EPB41L1: variants seen among roughly 807,000 people sequenced by gnomAD.
The protein encoded by EPB41L1 is erythrocyte membrane protein band 4.1 like 1.
EPB41L1 carries 29 observed loss-of-function variants against 97.8 expected under a neutral mutation model. That is an observed-to-expected ratio of 0.30 (90% CI 0.22 to 0.40). EPB41L1 has a LOEUF of 0.40. Among genes scored for constraint, EPB41L1 ranks in the 10% least tolerant of loss-of-function variants. The probability of loss-of-function intolerance (pLI) is 1.00; values close to 1 mark genes in which losing one functional copy is unlikely to be tolerated. For synonymous variants in EPB41L1, 383 were observed against 459.2 expected, an observed-to-expected ratio of 0.83 and a Z score of 2.12; for missense variants, 812 against 1,162.3, an observed-to-expected ratio of 0.70 and a Z score of 4.38.
At chr20:36,203,905 C>T (rs1401845707) in intron 14 of EPB41L1, among the ~76,000 whole-genome samples, 1 of 151,798 alleles carries the variant, frequency 6.6e-6, no homozygotes, top group Non-Finnish European at 1.5e-5. Flanking sequence ...TGTTTCAGAT[C>T]TTATGGGATC....
chr20:36,105,184 C>G (rs2058150151), intron 1 of EPB41L1, among the ~76,000 whole-genome samples: 1 of 152,182 alleles, frequency 6.6e-6, no homozygotes, highest in South Asian at 2.1e-4. Flanking sequence ...GAGAACAGAA[C>G]AGGCACCCTA....
chr20:36,228,680 C>T (rs1412787180), intron 21 of EPB41L1, among the ~76,000 whole-genome samples: 1 of 152,222 alleles, frequency 6.6e-6, no homozygotes, highest in Non-Finnish European at 1.5e-5. Flanking sequence ...ATTTCAGAGC[C>T]TGCTCCTTTA....
Position 36,206,568 on chromosome 20 carries a change from G to T in EPB41L1, c.1669-2920G>T, listed in dbSNP as rs2062826680. 1 of 1,289,758 alleles carries T rather than the reference G, an allele frequency of 7.8e-7. No homozygotes were observed. Among genetic ancestry groups the T allele is most frequent in the Non-Finnish European group, 1.0e-6 (1 of 988,888 alleles). 79.9% of individuals were successfully genotyped at this position (1,289,758 alleles called of 1,614,324 possible). ...GCCTGGATGCCCCTCCCGGAGGTGA[G>T]CCCAGGCCGACGCTGAATTCCTTAG... On this transcript the variant is annotated intron_variant, in intron 14 of 21. Transcript: ENST00000338074. This position sits in a 1 kb window ranked among gnomAD's most constrained non-coding sequence, Gnocchi z 5.5.
intron 14 of EPB41L1, among the ~76,000 whole-genome samples, chr20:36,205,269 C>T (rs1046796054): frequency 2.6e-5 from 4 of 152,180 alleles, no homozygotes; most frequent in South Asian, 2.1e-4. Context: ...ACCCATATTC[C>T]ATGGTTGTGA....
intron 2 of EPB41L1, among the ~76,000 whole-genome samples, chr20:36,141,021 G>A (rs1163714330): frequency 6.6e-6 from 1 of 152,218 alleles, no homozygotes; most frequent in Non-Finnish European, 1.5e-5. Flanking sequence ...GGGTTTTGTG[G>A]GATTCTGGGC....
intron 1 of EPB41L1, chr20:36,155,532 C>G (rs1600642455): frequency 2.2e-6 from 1 of 451,978 alleles, no homozygotes; most frequent in Non-Finnish European, 4.4e-6. Context: ...TCCAAGGGCC[C>G]GAGAGGCTGG....
At chr20:36,134,882 C>A (rs1350090060) in intron 2 of EPB41L1, among the ~76,000 whole-genome samples, 3 of 135,806 alleles carry the variant, frequency 2.2e-5, no homozygotes, top group African/African-American at 5.7e-5. Flanking sequence ...TTTTTTGAAC[C>A]AGGGTCCCAC....
chr20:36,110,300 C>G (rs1370181045), intron 1 of EPB41L1, among the ~76,000 whole-genome samples: 1 of 152,154 alleles, frequency 6.6e-6, no homozygotes, highest in African/African-American at 2.4e-5. Context: ...ATGAGAGAGA[C>G]AGAGCAAGAG....
chr20:36,194,821 C>T (rs1036214182), intron 12 of EPB41L1, among the ~76,000 whole-genome samples: 1 of 152,134 alleles, frequency 6.6e-6, no homozygotes, highest in Non-Finnish European at 1.5e-5. Flanking sequence ...TGTGTGTACA[C>T]GCTCATGCAG....
chr20:36,149,710 G>C (rs2059971346), intron 2 of EPB41L1: 1 of 152,356 alleles, frequency 6.6e-6, no homozygotes, highest in Admixed American at 6.5e-5. Context: ...CCCTCCCTCT[G>C]GCCCAGCTCC....
intron 1 of EPB41L1, among the ~76,000 whole-genome samples, chr20:36,108,449 C>T (rs1473231785): frequency 6.6e-6 from 1 of 151,528 alleles, no homozygotes; most frequent in African/African-American, 2.4e-5. Flanking sequence ...CTGAGGCAGG[C>T]GGATCGCTTG....
At chr20:36,229,008 G>A (rs2064351212) in intron 21 of EPB41L1, among the ~76,000 whole-genome samples, 1 of 151,958 alleles carries the variant, frequency 6.6e-6, no homozygotes, top group South Asian at 2.1e-4. Context: ...AACAGATGTG[G>A]GTTCGGTTCT....
chr20:36,194,952 C>T (rs1489802807), intron 12 of EPB41L1, among the ~76,000 whole-genome samples: 1 of 152,200 alleles, frequency 6.6e-6, no homozygotes, highest in Non-Finnish European at 1.5e-5. Flanking sequence ...ACACACAGGC[C>T]AGGGAGAGCT....
chr20:36,122,082 G>A (rs2058769183), intron 2 of EPB41L1, among the ~76,000 whole-genome samples: 1 of 152,198 alleles, frequency 6.6e-6, no homozygotes, highest in Non-Finnish European at 1.5e-5. Context: ...ACGGAGTAGG[G>A]GAGGGCAAAG....
At position 36,209,533 on chromosome 20, in the gene EPB41L1, C is replaced by T. The variant is rs113352451; in HGVS notation, c.1714C>T (p.Arg572Cys). 1.3e-4 allele frequency: 203 copies of T among 1,614,064 alleles called. No homozygotes were observed. The East Asian group carries it at 3.9e-3, about 31-fold the overall frequency. ...EGSEEKVKPP[R>C]PRAPESDTGD... ...CTCCGAGGAGAAAGTCAAACCACCA[C>T]GTCCCCGGGCCCCAGAGAGTGACAC... is the stretch of plus-strand genomic sequence containing the variant. The change falls in exon 15 of 22, where the codon CGT (arginine) becomes TGT (cysteine). Residue 572 changes from arginine (R) to cysteine (C), a missense_variant. Physicochemically the swap from Arg to Cys is radical, Grantham distance 180. Around this residue, in one of 3 missense-constraint regions of EPB41L1, gnomAD observed 498 missense variants for 622.7 expected, o/e 0.80. Coordinates refer to ENST00000338074, the MANE Select transcript of EPB41L1 (RefSeq NM_012156.2). The surrounding 1 kb of genome is among the most constrained non-coding windows in gnomAD (Gnocchi z 4.2).
At chr20:36,168,999 G>A (rs940911689) in intron 1 of EPB41L1, among the ~76,000 whole-genome samples, 5 of 151,698 alleles carry the variant, frequency 3.3e-5, no homozygotes, top group Non-Finnish European at 7.4e-5. Context: ...AGGCCAAGGC[G>A]GGTGGATCAC....
upstream of EPB41L1, chr20:36,152,371 G>C (rs2145443899): frequency 6.5e-6 from 1 of 153,280 alleles, no homozygotes; most frequent in East Asian, 1.9e-4. Flanking sequence ...GATTCTCCTG[G>C]GAAAGTGAGA....
intron 21 of EPB41L1, 71 bp from the exon 22 acceptor site, chr20:36,229,261 T>C (rs1253865513): frequency 3.0e-6 from 4 of 1,332,102 alleles, no homozygotes; most frequent in South Asian, 2.5e-5. Flanking sequence ...AGTTACTAAT[T>C]TTTCTTGTCC....
At chr20:36,204,244 G>A (rs1409548385) in intron 14 of EPB41L1, among the ~76,000 whole-genome samples, 5 of 152,082 alleles carry the variant, frequency 3.3e-5, no homozygotes, top group Non-Finnish European at 5.9e-5. Context: ...CATTAAGGCC[G>A]CCCACACCCC....
Sources: allele counts gnomAD v4.1 joint callset (sites outside exome capture counted in the v4.1 genomes callset), GRCh38; gene constraint gnomAD v4.1.1; regional missense constraint gnomAD v4.1.1; non-coding constraint Gnocchi (gnomAD v3.1); transcripts MANE v1.5; gene names NCBI Gene and HGNC (gene_info 2026-07-23, HGNC 2026-07-21).